The following INPP4B variants were observed in gnomAD, a reference collection of about 807,000 sequenced individuals.
INPP4B encodes inositol polyphosphate 4-phosphatase type II.
A neutral mutation model predicts 122.5 loss-of-function variants in INPP4B; 55 were observed. The ratio of observed to expected loss-of-function variants is 0.45; its 90% CI spans 0.36 to 0.56. INPP4B has a LOEUF of 0.56. Among genes scored for constraint, INPP4B ranks in the 20% least tolerant of loss-of-function variants. The probability of loss-of-function intolerance (pLI) is 0.00; values close to 1 mark genes in which losing one functional copy is unlikely to be tolerated. For missense variants in INPP4B, 1,000 were observed against 1,097.7 expected (o/e 0.91, Z 1.26); for synonymous variants, 403 against 388.7 (o/e 1.04, Z -0.43).
At chr4:142,714,037 A>C (rs1279090965) in intron 2 of INPP4B, among the ~76,000 whole-genome samples, 1 of 152,256 alleles carries the variant, frequency 6.6e-6, no homozygotes, top group Non-Finnish European at 1.5e-5. Flanking sequence ...ATGCTGGATT[A>C]AACAAAGTTA....
intron 2 of INPP4B, among the ~76,000 whole-genome samples, chr4:142,620,229 A>G (rs775168869): frequency 3.3e-5 from 5 of 151,972 alleles, no homozygotes; most frequent in Non-Finnish European, 7.4e-5. Flanking sequence ...CACTAATCAC[A>G]AGCACAAATA....
chr4:142,536,910 C>A (rs1828267754), intron 2 of INPP4B, among the ~76,000 whole-genome samples: 1 of 152,110 alleles, frequency 6.6e-6, no homozygotes. Flanking sequence ...GATTCTTCTG[C>A]CTCAGCCTCC....
chr4:142,290,457 C>T (rs1410378273), intron 9 of INPP4B, among the ~76,000 whole-genome samples: 2 of 151,952 alleles, frequency 1.3e-5, no homozygotes, highest in Admixed American at 6.6e-5. Context: ...CGACCTGCCT[C>T]GGCCTCCCAA....
At chr4:142,142,524 G>A (rs1448210444) in intron 18 of INPP4B, among the ~76,000 whole-genome samples, 1 of 152,030 alleles carries the variant, frequency 6.6e-6, no homozygotes, top group African/African-American at 2.4e-5. Context: ...AGCTGGGGTA[G>A]GGAAAATATA....
intron 2 of INPP4B, among the ~76,000 whole-genome samples, chr4:142,661,625 C>G (rs1280198678): frequency 6.6e-6 from 1 of 152,088 alleles, no homozygotes; most frequent in Non-Finnish European, 1.5e-5. Context: ...TTAAATAAAC[C>G]CTTTTTAAAA....
intron 3 of INPP4B, among the ~76,000 whole-genome samples, chr4:142,449,763 G>A (rs1360123452): frequency 2.0e-5 from 3 of 151,878 alleles, no homozygotes; most frequent in African/African-American, 7.3e-5. Flanking sequence ...ATCTTGACAA[G>A]CATCACATTA....
At chr4:142,364,464 T>A (rs1786664690) in intron 7 of INPP4B, among the ~76,000 whole-genome samples, 1 of 152,048 alleles carries the variant, frequency 6.6e-6, no homozygotes, top group Admixed American at 6.6e-5. Flanking sequence ...GAATCCCTAA[T>A]AGATATTGGG....
chr4:142,479,893 A>G (rs1042120000), intron 2 of INPP4B, among the ~76,000 whole-genome samples: 1 of 152,128 alleles, frequency 6.6e-6, no homozygotes, highest in Non-Finnish European at 1.5e-5. Flanking sequence ...TAATCTGTAC[A>G]CCAAAACCCC....
At chr4:142,089,758 G>A (rs756953717) in intron 23 of INPP4B, among the ~76,000 whole-genome samples, 7 of 152,060 alleles carry the variant, frequency 4.6e-5, no homozygotes, top group Non-Finnish European at 1.0e-4. Context: ...CGAAATTTTT[G>A]TATTTCATAA....
chr4:142,071,275 C>T (rs578041894), intron 25 of INPP4B, among the ~76,000 whole-genome samples: 47 of 152,258 alleles, frequency 3.1e-4, no homozygotes, highest in Middle Eastern at 6.8e-3. Flanking sequence ...GGAAAACTGG[C>T]TAGCCATATG....
At chr4:142,331,861 T>C (rs1774628389) in intron 7 of INPP4B, among the ~76,000 whole-genome samples, 2 of 130,980 alleles carry the variant, frequency 1.5e-5, no homozygotes, top group South Asian at 2.3e-4. Context: ...GATCATATTA[T>C]GAGGCAATGT....
chr4:142,263,679 T>TATATATATATATATATAA (rs1561674364), intron 10 of INPP4B, among the ~76,000 whole-genome samples: 1 of 122,846 alleles, frequency 8.1e-6, no homozygotes, highest in African/African-American at 3.0e-5. Flanking sequence ...TATATATATA[T>TATATATATATATATATAA]AACATTGAAC....
intron 2 of INPP4B, among the ~76,000 whole-genome samples, chr4:142,536,796 C>CT (rs1169858200): frequency 2.0e-5 from 3 of 152,018 alleles, no homozygotes; most frequent in Admixed American, 6.6e-5. Context: ...GACAACCGTT[C>CT]TTTTTTTCTT....
At chr4:142,758,820 G>A (rs1770876328) in intron 1 of INPP4B, among the ~76,000 whole-genome samples, 1 of 152,048 alleles carries the variant, frequency 6.6e-6, no homozygotes, top group Non-Finnish European at 1.5e-5. Context: ...GGGTGTGGCA[G>A]TGTACACTTG....
At chr4:142,447,253 CT>C (rs1182320111) in intron 3 of INPP4B, among the ~76,000 whole-genome samples, 1 of 152,098 alleles carries the variant, frequency 6.6e-6, no homozygotes, top group Non-Finnish European at 1.5e-5. Context: ...GGCTGTGAGA[CT>C]TTCTCCAGCA....
chr4:142,106,151 A>G (rs1786990279), intron 23 of INPP4B, among the ~76,000 whole-genome samples: 1 of 152,224 alleles, frequency 6.6e-6, no homozygotes, highest in East Asian at 1.9e-4. Flanking sequence ...TGTTCAGACA[A>G]CTGTGTAAGC....
At chr4:142,202,656 C>G in intron 14 of INPP4B, 1 of 763,574 alleles carries the variant, frequency 1.3e-6, no homozygotes, top group Non-Finnish European at 1.6e-6. Context: ...TAAATTTTGG[C>G]TACTGTTGGA....
intron 7 of INPP4B, among the ~76,000 whole-genome samples, chr4:142,334,887 GTT>G (rs991336391): frequency 7.9e-5 from 12 of 151,786 alleles, no homozygotes; most frequent in African/African-American, 2.9e-4. Flanking sequence ...CAGATACATG[GTT>G]TGCAAATATT....
At chr4:142,668,301 C>A (rs1374225796) in intron 2 of INPP4B, among the ~76,000 whole-genome samples, 1 of 152,002 alleles carries the variant, frequency 6.6e-6, no homozygotes. Flanking sequence ...TTTTAAAAAT[C>A]CAACTTCCTT....
Sources: allele counts gnomAD v4.1 joint callset (sites outside exome capture counted in the v4.1 genomes callset), GRCh38; gene constraint gnomAD v4.1.1; transcripts MANE v1.5; gene names NCBI Gene and HGNC (gene_info 2026-07-23, HGNC 2026-07-21).